The following SYT9 variants were observed in gnomAD, a reference collection of about 807,000 sequenced individuals.
SYT9 encodes synaptotagmin-9.
SYT9 carries 22 observed loss-of-function variants against 48.4 expected under a neutral mutation model. The observed-to-expected ratio is 0.45, with a 90% CI of 0.32 to 0.65. The LOEUF is 0.65. Ranked by LOEUF, SYT9 falls within the 30% of genes least tolerant of loss-of-function variation. SYT9 has a pLI of 0.03. For missense variants in SYT9, 577 were observed against 622.0 expected (o/e 0.93, Z 0.77); for synonymous variants, 265 against 245.0 (o/e 1.08, Z -0.76).
At chr11:7,445,810 C>T (rs986042203) in intron 6 of SYT9, among the ~76,000 whole-genome samples, 1 of 152,218 alleles carries the variant, frequency 6.6e-6, no homozygotes, top group Non-Finnish European at 1.5e-5. Context: ...CTGTTCCTAA[C>T]ACTGGAATCC....
At chr11:7,377,851 G>A (rs1277700914) in intron 3 of SYT9, among the ~76,000 whole-genome samples, 1 of 152,122 alleles carries the variant, frequency 6.6e-6, no homozygotes, top group Non-Finnish European at 1.5e-5. Context: ...TGCCTGGTTG[G>A]GGCATGGCTT....
intron 3 of SYT9, among the ~76,000 whole-genome samples, chr11:7,362,708 T>C (rs955981360): frequency 6.6e-6 from 1 of 152,154 alleles, no homozygotes; most frequent in Non-Finnish European, 1.5e-5. Flanking sequence ...TTATCGCATA[T>C]ATATATATTT....
At chr11:7,357,432 C>T (rs1850041668) in intron 3 of SYT9, among the ~76,000 whole-genome samples, 1 of 152,070 alleles carries the variant, frequency 6.6e-6, no homozygotes, top group South Asian at 2.1e-4. Context: ...CACTGGTCTT[C>T]AAAACCAGTG....
At chr11:7,326,527 G>A (rs1485907115) in intron 3 of SYT9, among the ~76,000 whole-genome samples, 1 of 150,736 alleles carries the variant, frequency 6.6e-6, no homozygotes, top group Non-Finnish European at 1.5e-5. Context: ...AGTCTTGCTA[G>A]CGGTCTATCA....
At chr11:7,446,890 T>C (rs901198236) in intron 6 of SYT9, among the ~76,000 whole-genome samples, 2 of 152,192 alleles carry the variant, frequency 1.3e-5, no homozygotes, top group African/African-American at 2.4e-5. Flanking sequence ...AATGATCCAC[T>C]GGGCAGTGAG....
chr11:7,347,101 G>A (rs902485193), intron 3 of SYT9, among the ~76,000 whole-genome samples: 3 of 152,214 alleles, frequency 2.0e-5, no homozygotes, highest in Admixed American at 6.5e-5. Flanking sequence ...AAGCCAAAAT[G>A]CAGAGCACAG....
chr11:7,374,022 A>G (rs1465716660), intron 3 of SYT9, among the ~76,000 whole-genome samples: 1 of 152,014 alleles, frequency 6.6e-6, no homozygotes, highest in Non-Finnish European at 1.5e-5. Context: ...TCCTGCACCC[A>G]TCAACCCATC....
At chr11:7,391,547 G>C (rs1333196081) in intron 3 of SYT9, among the ~76,000 whole-genome samples, 2 of 151,562 alleles carry the variant, frequency 1.3e-5, no homozygotes, top group Non-Finnish European at 2.9e-5. Flanking sequence ...TTGCATTGTG[G>C]TTTTCATTGA....
rs773198479 is a variant in SYT9, at chr11:7,254,557, C to T, written c.145+2226C>T. ...GTAGTAGAAAAGCTGCACCACACAACGCCGTGTGAATAATGTCCCTGCTGT... is the reference window on the plus strand; with the variant it reads ...GTAGTAGAAAAGCTGCACCACACAATGCCGTGTGAATAATGTCCCTGCTGT... On this transcript the variant is annotated intron_variant, in intron 1 of 6. Transcript: ENST00000318881. Among the ~76,000 whole-genome samples the T allele has an allele frequency of 3.9e-5, 6 of 152,186 alleles. No homozygotes were observed. In the South Asian group the frequency reaches 6.2e-4, roughly 16 times the overall value.
chr11:7,439,266 A>G (rs1230287734), intron 6 of SYT9: 1 of 152,220 alleles, frequency 6.6e-6, no homozygotes, highest in Non-Finnish European at 1.5e-5. Context: ...CAGTGTCATG[A>G]TGGTGTGAGA....
Position 7,418,108 on chromosome 11 carries a change from A to G in SYT9, c.1317A>G (p.Ile439Met), listed in dbSNP as rs113026269. The change falls in exon 5 of 7, where the codon ATA (isoleucine) becomes ATG (methionine). Residue 439 changes from isoleucine (I) to methionine (M), a missense_variant. By Grantham distance (10) the Ile-to-Met change is conservative. Transcript: ENST00000318881. ...PENIDQIHLS[I>M]AVMDYDRVGH... ...ACATTGACCAAATCCACTTGTCCAT[A>G]GCAGTCATGGACTATGACCGGTGAG... 2 of 1,613,854 alleles carry G rather than the reference A, an allele frequency of 1.2e-6. No homozygotes were observed. The highest frequency in any genetic ancestry group is 1.7e-6 in the Non-Finnish European group (2 of 1,179,952).
chr11:7,282,926 G>GCACACA lies in SYT9; in HGVS notation c.146-20100_146-20095dup, dbSNP rs151278873. Among the ~76,000 whole-genome samples, 758 of 135,726 alleles carry GCACACA rather than the reference G, an allele frequency of 5.6e-3. 6 individuals carry two copies. Among genetic ancestry groups the GCACACA allele is most frequent in the African/African-American group, 0.018 (685 of 37,718 alleles). 89.0% of individuals were successfully genotyped at this position (135,726 alleles called of 152,430 possible). A position where few individuals can be genotyped will look rare whatever the true frequency, so the allele number is the denominator to read the frequency against. On this transcript the variant is annotated intron_variant, in intron 1 of 6. Transcript: ENST00000318881. ...CGTGTTAAAACACACACACACACAC[G>GCACACA]CACACACACACACACACATTACCAA...
chr11:7,410,688 C>A (rs561492776), intron 3 of SYT9, among the ~76,000 whole-genome samples: 2 of 151,902 alleles, frequency 1.3e-5, no homozygotes, highest in Middle Eastern at 3.4e-3. Flanking sequence ...CTTTGGGTTT[C>A]TGTTTGAGTG....
intron 3 of SYT9, chr11:7,314,261 T>A: frequency 4.2e-6 from 2 of 472,780 alleles, no homozygotes; most frequent in Non-Finnish European, 8.2e-6. Flanking sequence ...TTTTTCAGGT[T>A]GTTTGTGCTG....
chr11:7,353,790 A>T (rs1849964325), intron 3 of SYT9, among the ~76,000 whole-genome samples: 1 of 152,336 alleles, frequency 6.6e-6, no homozygotes, highest in African/African-American at 2.4e-5. Context: ...ACTTCTATTC[A>T]TAAAAAATTT....
intron 3 of SYT9, among the ~76,000 whole-genome samples, chr11:7,335,835 C>A (rs1008610969): frequency 3.9e-5 from 6 of 152,052 alleles, no homozygotes; most frequent in Admixed American, 6.6e-5. Context: ...TATGCTAGAA[C>A]AATTTATATT....
At position 7,303,085 on chromosome 11, in the gene SYT9, C is replaced by A; in HGVS notation, c.192C>A (p.Leu64=). The part of the protein sequence containing the change: ...LLTLVVTACG[L]ALFGVSLFVS... The stretch of plus-strand genomic sequence containing the variant: ...CCCTTGTGGTCACTGCCTGTGGTCT[C>A]GCTCTCTTTGGCGTGTCTCTCTTCG... The change falls in exon 2 of 7, where the codon CTC becomes CTA. Residue 64 remains leucine (L), a synonymous_variant. Coordinates refer to ENST00000318881, the MANE Select transcript of SYT9 (RefSeq NM_175733.4). 1 of 1,614,224 alleles carries A rather than the reference C, an allele frequency of 6.2e-7. No homozygotes were observed. Among genetic ancestry groups the A allele is most frequent in the Non-Finnish European group, 8.5e-7 (1 of 1,180,050 alleles).
In SYT9 at chr11:7,417,937, G is replaced by C. The variant is rs554173684; in HGVS notation, c.1166-20G>C. ...CTATACGTATCCTCACAGTACTCCT[G>C]CTTCTCATGGTCTGTCCAGATCCCT... On this transcript the variant is annotated intron_variant, in intron 4 of 6. Transcript: ENST00000318881. The C allele has an allele frequency of 6.2e-6, 10 of 1,608,154 alleles. 1 individual carries two copies. The South Asian group carries it at 1.0e-4, about 16-fold the overall frequency.
intron 3 of SYT9, among the ~76,000 whole-genome samples, chr11:7,405,092 TAAAAA>T (rs10706521): frequency 1.5e-5 from 2 of 130,302 alleles, no homozygotes; most frequent in Admixed American, 7.5e-5. Context: ...CTGTCAAGGT[TAAAAA>T]AAAAAAAAAA....
Sources: allele counts gnomAD v4.1 joint callset (sites outside exome capture counted in the v4.1 genomes callset), GRCh38; gene constraint gnomAD v4.1.1; transcripts MANE v1.5; gene names NCBI Gene and HGNC (gene_info 2026-07-23, HGNC 2026-07-21).